CMTR1: variants seen among roughly 807,000 people sequenced by gnomAD.
CMTR1 encodes cap methyltransferase 1.
In CMTR1, 39 loss-of-function variants were observed where a neutral mutation model predicts 107.0. The ratio of observed to expected loss-of-function variants is 0.36; its 90% confidence interval spans 0.28 to 0.48. The LOEUF (loss-of-function observed/expected upper bound fraction) is 0.48. CMTR1 is among the 20% of genes least tolerant of loss of function. The pLI, the probability that CMTR1 is intolerant of heterozygous loss-of-function variation, is 0.99. For synonymous variants in CMTR1, 366 were observed against 379.5 expected (o/e 0.96, Z 0.41); for missense variants, 672 against 1,064.9 (o/e 0.63, Z 5.14).
At chr6:37,473,409 T>C in intron 16 of CMTR1, 61 bp from the exon 17 acceptor site, 3 of 1,563,576 alleles carry the variant, frequency 1.9e-6, no homozygotes, top group African/African-American at 1.4e-5. Flanking sequence ...CCAGCCCAGA[T>C]AGGCACCCAT....
At chr6:37,464,432 A>G (rs185533960) in intron 13 of CMTR1, among the ~76,000 whole-genome samples, 2 of 150,918 alleles carry the variant, frequency 1.3e-5, no homozygotes, top group African/African-American at 4.9e-5. Context: ...GCGCCACTGC[A>G]CTCCATCCTG....
In CMTR1 at chr6:37,458,689, G is replaced by A. The variant is rs1317546936; in HGVS notation, c.855G>A (p.Glu285=). 1 of 1,614,152 alleles carries A rather than the reference G, an allele frequency of 6.2e-7. No individual in the cohort carries two copies. Among genetic ancestry groups the A allele is most frequent in the South Asian group, 1.1e-5 (1 of 91,074 alleles). The change falls in exon 9 of 24, where the codon GAG becomes GAA. Residue 285 remains glutamate, a synonymous_variant. Coordinates refer to ENST00000373451, the MANE Select transcript of CMTR1 (RefSeq NM_015050.3). The surrounding 1 kb of genome is among the most constrained non-coding windows in gnomAD (Gnocchi z 4.7). ...DVCAGPGGFS[E]YVLWRKKWHA... ...GCGCAGGCCCAGGTGGCTTCTCAGA[G>A]TATGTGCTGTGGAGGAAGAAGTGGC...
chr6:37,460,350 CA>C (rs1226661122), intron 10 of CMTR1, among the ~76,000 whole-genome samples: 3 of 152,206 alleles, frequency 2.0e-5, no homozygotes, highest in African/African-American at 7.2e-5. Flanking sequence ...GCACTGTGCA[CA>C]GCAGGGAACA....
chr6:37,453,770 A>AC lies in CMTR1; in HGVS notation c.777+459dup, dbSNP rs530093903. ...TTGGAATGTGGTGAGGAGGGACATG[A>AC]CATAGCATTTATGAAGCAGGATGGA... On this transcript the variant is annotated intron_variant, in intron 8 of 23. Coordinates refer to ENST00000373451, the MANE Select transcript of CMTR1 (RefSeq NM_015050.3). Among the ~76,000 whole-genome samples the AC allele has an allele frequency of 1.2e-3, 177 of 152,340 alleles. 1 individual carries two copies. Among genetic ancestry groups the AC allele is most frequent in the African/African-American group, 4.0e-3 (166 of 41,578 alleles).
chr6:37,435,236 C>A (rs1422483543), intron 1 of CMTR1, among the ~76,000 whole-genome samples: 2 of 152,116 alleles, frequency 1.3e-5, no homozygotes, highest in African/African-American at 4.8e-5. Context: ...AATATTTATT[C>A]GGTTTTATAG....
At chr6:37,479,897 G>A (rs1247231663) in intron 23 of CMTR1, 116 bp from the exon 24 acceptor site, 13 of 1,060,780 alleles carry the variant, frequency 1.2e-5, no homozygotes, top group Non-Finnish European at 1.4e-5. Context: ...GCCTGCCGGG[G>A]GAAGAACCTC....
intron 23 of CMTR1, 43 bp downstream of exon 23, chr6:37,479,298 A>C (rs764130701): frequency 1.7e-5 from 24 of 1,406,120 alleles, no homozygotes; most frequent in Admixed American, 5.0e-5. Flanking sequence ...AGCAGCCTCA[A>C]GTACTCCTGC....
At chr6:37,433,781 A>G (rs1336834140) in intron 1 of CMTR1, among the ~76,000 whole-genome samples, 1 of 152,234 alleles carries the variant, frequency 6.6e-6, no homozygotes, top group East Asian at 1.9e-4. Flanking sequence ...GTTCCCTGCC[A>G]GAGCATTCTG....
At chr6:37,466,108 GTTTTTGTTTTTTT>G (rs1050999109) in intron 13 of CMTR1, among the ~76,000 whole-genome samples, 10 of 127,714 alleles carry the variant, frequency 7.8e-5, no homozygotes, top group Admixed American at 1.6e-4. Context: ...GAGTTTTACA[GTTTTTGTTTTTTT>G]TTTTTTTTTT....
At chr6:37,449,924 C>T (rs946291437) in intron 4 of CMTR1, among the ~76,000 whole-genome samples, 2 of 152,154 alleles carry the variant, frequency 1.3e-5, no homozygotes, top group Non-Finnish European at 2.9e-5. Context: ...ACCCCTTTTG[C>T]CAAGGGCCAT....
chr6:37,474,444 T>C (rs1045310121), intron 17 of CMTR1, 80 bp from the exon 18 acceptor site: 1 of 1,556,960 alleles, frequency 6.4e-7, no homozygotes, highest in African/African-American at 1.4e-5. Flanking sequence ...AGCTGCCAAC[T>C]AAAAGCTCTT....
chr6:37,451,741 CTTCA>C, intron 5 of CMTR1, 61 bp from the exon 6 acceptor site: 1 of 1,235,706 alleles, frequency 8.1e-7, no homozygotes, highest in Non-Finnish European at 1.2e-6. Context: ...ACCCTAATTT[CTTCA>C]TTCATCCCCG....
intron 1 of CMTR1, among the ~76,000 whole-genome samples, chr6:37,434,829 C>T (rs1771488976): frequency 6.6e-6 from 1 of 152,142 alleles, no homozygotes; most frequent in Non-Finnish European, 1.5e-5. Flanking sequence ...CCAGGCTGGT[C>T]TTGAACTCCT....
Position 37,458,558 on chromosome 6 carries a change from C to T in CMTR1, c.778-54C>T, listed in dbSNP as rs1265816354. ...TCTCCCTGCATTCTCCTTCCTGTTG[C>T]CCATTGAGCTGTCTTGTTTTCCTTC... On this transcript the variant is annotated intron_variant, in intron 8 of 23. Coordinates refer to ENST00000373451, the MANE Select transcript of CMTR1 (RefSeq NM_015050.3). The surrounding 1 kb of genome is among the most constrained non-coding windows in gnomAD (Gnocchi z 4.7). The T allele has an allele frequency of 1.7e-5, 26 of 1,555,492 alleles. No homozygotes were observed. Among genetic ancestry groups the T allele is most frequent in the Non-Finnish European group, 2.2e-5 (25 of 1,135,148 alleles).
intron 2 of CMTR1, among the ~76,000 whole-genome samples, chr6:37,440,183 A>T (rs575017023): frequency 6.6e-6 from 1 of 152,346 alleles, no homozygotes; most frequent in East Asian, 1.9e-4. Flanking sequence ...TGGGAATGCC[A>T]TCCAGCTTTG....
chr6:37,448,098 C>T (rs914919093), intron 4 of CMTR1, among the ~76,000 whole-genome samples: 31 of 150,560 alleles, frequency 2.1e-4, no homozygotes, highest in East Asian at 5.9e-4. Flanking sequence ...GTAGTCCCAG[C>T]TACTCGGGAG....
In CMTR1 at chr6:37,464,890, C is replaced by T. The variant is rs913487931; in HGVS notation, c.1505+1882C>T. Among the ~76,000 whole-genome samples, 6 of 98,042 alleles carry T rather than the reference C, an allele frequency of 6.1e-5. No homozygotes were observed. In the South Asian group the frequency reaches 1.1e-3, roughly 18 times the overall value. The allele number at this position is 98,042 out of a possible 152,430, so 64.3% of individuals were successfully genotyped here. A position where few individuals can be genotyped will look rare whatever the true frequency, so the allele number is the denominator to read the frequency against. On this transcript the variant is annotated intron_variant, in intron 13 of 23. Transcript: ENST00000373451. ...TAAAATACCACATAGTTTTCTAAAA[C>T]GCTGTGTGTGTGTGTGTGTGTGTGT...
chr6:37,474,947 C>T (rs1191843012), intron 18 of CMTR1, among the ~76,000 whole-genome samples: 2 of 152,120 alleles, frequency 1.3e-5, no homozygotes, highest in South Asian at 2.1e-4. Context: ...ACCAGAGATC[C>T]CTTGGGAAAC....
chr6:37,473,356 A>G, intron 16 of CMTR1, 114 bp from the exon 17 acceptor site: 1 of 1,147,230 alleles, frequency 8.7e-7, no homozygotes, highest in Non-Finnish European at 1.2e-6. Flanking sequence ...AGCATATTTC[A>G]GAGAGCCAAT....
Sources: allele counts gnomAD v4.1 joint callset (sites outside exome capture counted in the v4.1 genomes callset), GRCh38; gene constraint gnomAD v4.1.1; non-coding constraint Gnocchi (gnomAD v3.1); transcripts MANE v1.5; gene names NCBI Gene and HGNC (gene_info 2026-07-23, HGNC 2026-07-21).